PDE4D: variants seen among roughly 807,000 people sequenced by gnomAD.
PDE4D encodes the protein phosphodiesterase 4D, also known as 3',5'-cyclic-AMP phosphodiesterase 4D.
PDE4D carries 24 observed loss-of-function variants against 87.4 expected under a neutral mutation model. The ratio of observed to expected loss-of-function variants is 0.27; its 90% CI spans 0.20 to 0.39. The LOEUF (loss-of-function observed/expected upper bound fraction) is 0.39, where lower values mean the gene tolerates loss of function less well. Among genes scored for constraint, PDE4D ranks in the 10% least tolerant of loss-of-function variants. PDE4D has a pLI of 1.00. For missense variants in PDE4D, 714 were observed against 1,041.0 expected (o/e 0.69, Z 4.32); for synonymous variants, 384 against 383.2 (o/e 1.00, Z -0.02).
At chr5:59,279,127 A>C (rs1249915138) in intron 1 of PDE4D, among the ~76,000 whole-genome samples, 1 of 152,144 alleles carries the variant, frequency 6.6e-6, no homozygotes, top group Non-Finnish European at 1.5e-5. Flanking sequence ...TAGATATTCT[A>C]TACTTTCCAA....
At chr5:59,976,861 T>C (rs1484643131) in intron 3 of PDE4D, among the ~76,000 whole-genome samples, 5 of 152,160 alleles carry the variant, frequency 3.3e-5, no homozygotes, top group Non-Finnish European at 5.9e-5. Context: ...GGGTGATCTG[T>C]GATCAGTGGT....
At chr5:59,982,433 C>T (rs1281175672) in intron 3 of PDE4D, among the ~76,000 whole-genome samples, 1 of 152,114 alleles carries the variant, frequency 6.6e-6, no homozygotes, top group African/African-American at 2.4e-5. Context: ...CACCTGTGAA[C>T]TGGGAATGAT....
intron 2 of PDE4D, among the ~76,000 whole-genome samples, chr5:60,106,245 T>C (rs964699573): frequency 1.3e-5 from 2 of 151,130 alleles, no homozygotes; most frequent in Non-Finnish European, 3.0e-5. Context: ...CCAACAAAGA[T>C]CAAAAGAGAC....
intron 2 of PDE4D, among the ~76,000 whole-genome samples, chr5:60,062,274 A>C (rs1034347778): frequency 1.3e-5 from 2 of 152,344 alleles, no homozygotes; most frequent in Admixed American, 6.5e-5. Context: ...ACTTCTCAAA[A>C]GAAGACATTC....
chr5:59,146,899 C>T (rs1778747793), intron 5 of PDE4D, among the ~76,000 whole-genome samples: 1 of 152,152 alleles, frequency 6.6e-6, no homozygotes, highest in Non-Finnish European at 1.5e-5. Context: ...ACCTCCAAGC[C>T]ACAGACTGCT....
At chr5:59,563,727 C>G (rs1044088748) in intron 1 of PDE4D, among the ~76,000 whole-genome samples, 119 of 152,330 alleles carry the variant, frequency 7.8e-4, no homozygotes, top group African/African-American at 2.7e-3. Context: ...AGAAGTCTGT[C>G]TGTATAAACC....
chr5:59,328,723 A>T (rs558296264), intron 1 of PDE4D, among the ~76,000 whole-genome samples: 4 of 152,316 alleles, frequency 2.6e-5, no homozygotes, highest in Admixed American at 6.5e-5. Flanking sequence ...CATTGCATTT[A>T]AAAAAATCAC....
intron 6 of PDE4D, among the ~76,000 whole-genome samples, chr5:59,003,082 T>C (rs140245339): frequency 9.4e-4 from 143 of 152,294 alleles, no homozygotes; most frequent in African/African-American, 3.2e-3. Flanking sequence ...CAGCACTCCA[T>C]GTCTCAGGGC....
In PDE4D at chr5:59,644,156, C is replaced by T. The variant is rs564919517; in HGVS notation, c.455+249012G>A. Among the ~76,000 whole-genome samples, 12 of 152,270 alleles carry T rather than the reference C, an allele frequency of 7.9e-5. No homozygotes were observed. In the East Asian group the frequency reaches 1.5e-3, roughly 20 times the overall value. ...GGGCAGGCCTGAGCTTTATCTATTTCGTGGCTGGATGTTGCATGTTCTCTG... is the reference window on the plus strand; with the variant it reads ...GGGCAGGCCTGAGCTTTATCTATTTTGTGGCTGGATGTTGCATGTTCTCTG... On this transcript the variant is annotated intron_variant, in intron 1 of 14. Coordinates refer to ENST00000340635, the MANE Select transcript of PDE4D (RefSeq NM_001104631.2).
At chr5:59,276,137 A>AG in intron 1 of PDE4D, 2 of 981,404 alleles carry the variant, frequency 2.0e-6, no homozygotes, top group Non-Finnish European at 2.4e-6. Flanking sequence ...AAAAAAAAAA[A>AG]AAAAAAGAAA....
chr5:60,054,805 TC>T (rs1770600337), intron 2 of PDE4D, among the ~76,000 whole-genome samples: 2 of 152,148 alleles, frequency 1.3e-5, no homozygotes, highest in Admixed American at 6.6e-5. Flanking sequence ...CCTAGGTATT[TC>T]TACCTGCAGA....
chr5:60,295,293 G>A (rs761165495), intron 1 of PDE4D, among the ~76,000 whole-genome samples: 4 of 152,126 alleles, frequency 2.6e-5, no homozygotes, highest in African/African-American at 2.4e-5. Flanking sequence ...TATGTCATAC[G>A]TGAATAAAAG....
chr5:59,459,996 C>A (rs776984949), intron 1 of PDE4D, among the ~76,000 whole-genome samples: 9 of 152,100 alleles, frequency 5.9e-5, no homozygotes, highest in Non-Finnish European at 1.0e-4. Flanking sequence ...TATAAGGAGG[C>A]CTTCTAACAA....
intron 1 of PDE4D, among the ~76,000 whole-genome samples, chr5:59,549,348 T>G (rs1404561671): frequency 6.6e-6 from 1 of 152,180 alleles, no homozygotes; most frequent in Non-Finnish European, 1.5e-5. Context: ...CTTGAGATAT[T>G]TGTTGTACGT....
At chr5:60,180,050 A>G (rs1327705616) in intron 2 of PDE4D, among the ~76,000 whole-genome samples, 1 of 152,160 alleles carries the variant, frequency 6.6e-6, no homozygotes, top group African/African-American at 2.4e-5. Context: ...CTTGGACGTA[A>G]TCATTTGTAA....
intron 1 of PDE4D, among the ~76,000 whole-genome samples, chr5:59,594,340 G>A (rs925435718): frequency 5.9e-5 from 8 of 135,404 alleles, no homozygotes; most frequent in Admixed American, 2.2e-4. Context: ...TTATTTATTT[G>A]GCAGAGTTTC....
At chr5:60,379,457 C>A (rs964827357) in intron 1 of PDE4D, among the ~76,000 whole-genome samples, 2 of 152,164 alleles carry the variant, frequency 1.3e-5, no homozygotes, top group Non-Finnish European at 1.5e-5. Context: ...GTCCACAGGT[C>A]TATTCTTGGG....
chr5:59,624,143 T>C (rs1830635250), intron 1 of PDE4D, among the ~76,000 whole-genome samples: 1 of 152,222 alleles, frequency 6.6e-6, no homozygotes, highest in South Asian at 2.1e-4. Context: ...TTCCTGTATT[T>C]CAGAAAAATA....
At chr5:59,095,966 A>G (rs187243855) in intron 5 of PDE4D, among the ~76,000 whole-genome samples, 3 of 152,266 alleles carry the variant, frequency 2.0e-5, no homozygotes, top group Non-Finnish European at 4.4e-5. Flanking sequence ...TTATTTCACA[A>G]ATATTACTTA....
Sources: allele counts gnomAD v4.1 joint callset (sites outside exome capture counted in the v4.1 genomes callset), GRCh38; gene constraint gnomAD v4.1.1; transcripts MANE v1.5; gene names NCBI Gene and HGNC (gene_info 2026-07-23, HGNC 2026-07-21).